Variants in XKR4 observed in about 807,000 individuals in gnomAD.
The protein encoded by XKR4 is XK related 4, also known as XK-related protein 4.
Under a neutral mutation model 53.9 loss-of-function variants are expected in XKR4, and 12 were observed. The observed-to-expected ratio is 0.22, with a 90% CI of 0.14 to 0.36. The LOEUF (loss-of-function observed/expected upper bound fraction) is 0.36, where lower values mean the gene tolerates loss of function less well. Ranked by LOEUF, XKR4 falls within the 10% of genes least tolerant of loss-of-function variation. The pLI is 1.00. For missense variants in XKR4, 799 were observed against 859.5 expected, an observed-to-expected ratio of 0.93 and a Z score of 0.88; for synonymous variants, 354 against 362.4, an observed-to-expected ratio of 0.98 and a Z score of 0.26.
intron 1 of XKR4, among the ~76,000 whole-genome samples, chr8:55,145,367 C>A (rs1462645724): frequency 6.6e-6 from 1 of 151,940 alleles, no homozygotes; most frequent in Non-Finnish European, 1.5e-5. Flanking sequence ...TTGATTTATT[C>A]TTTTTCTGAA....
intron 2 of XKR4, chr8:55,452,088 G>A (rs2975984): frequency 0.26 from 185,046 of 699,242 alleles, 26,391 homozygotes; most frequent in Non-Finnish European, 0.3. Flanking sequence ...CTGGCCGGGT[G>A]TGTAGGTAGA....
intron 2 of XKR4, among the ~76,000 whole-genome samples, chr8:55,404,313 C>T (rs1804655055): frequency 1.3e-5 from 2 of 152,144 alleles, no homozygotes; most frequent in African/African-American, 4.8e-5. Flanking sequence ...TCACATGACA[C>T]ATAGAGTCAC....
At chr8:55,215,143 C>T (rs1331490961) in intron 1 of XKR4, among the ~76,000 whole-genome samples, 1 of 151,612 alleles carries the variant, frequency 6.6e-6, no homozygotes, top group Admixed American at 6.6e-5. Context: ...CATTTAGCTG[C>T]TGAGTATTAT....
Position 55,373,598 on chromosome 8 carries a change from G to A in XKR4, c.1006+15721G>A, listed in dbSNP as rs181608204. On this transcript the variant is annotated intron_variant, in intron 2 of 2. Coordinates refer to ENST00000327381, the MANE Select transcript of XKR4 (RefSeq NM_052898.2). ...CCAGCATAGAGCCTTCAATGAAGGG[G>A]CACCTCCAGATATTTGTTATCTAAA... 5.8e-3 allele frequency among the ~76,000 whole-genome samples: 880 copies of A among 152,260 alleles called. 4 individuals carry two copies. The highest frequency in any genetic ancestry group is 9.1e-3 in the Non-Finnish European group (621 of 68,026).
chr8:55,372,214 A>G (rs1804078023), intron 2 of XKR4, among the ~76,000 whole-genome samples: 1 of 152,166 alleles, frequency 6.6e-6, no homozygotes, highest in South Asian at 2.1e-4. Flanking sequence ...GGTGCCCCAA[A>G]CACTGGCTGC....
chr8:55,256,675 T>A (rs1818443017), intron 1 of XKR4, among the ~76,000 whole-genome samples: 1 of 152,170 alleles, frequency 6.6e-6, no homozygotes, highest in Non-Finnish European at 1.5e-5. Context: ...AAGTCTGAGA[T>A]GCCTACTAAA....
chr8:55,463,653 T>A (rs9760773), intron 2 of XKR4, among the ~76,000 whole-genome samples: 2 of 151,486 alleles, frequency 1.3e-5, no homozygotes, highest in South Asian at 2.1e-4. Flanking sequence ...AATAGAGAAA[T>A]AAAAAACTGT....
chr8:55,245,610 C>G (rs1331429686), intron 1 of XKR4, among the ~76,000 whole-genome samples: 1 of 152,128 alleles, frequency 6.6e-6, no homozygotes, highest in Non-Finnish European at 1.5e-5. Flanking sequence ...GGATGTCAAA[C>G]TTGCCAAGTG....
intron 1 of XKR4, among the ~76,000 whole-genome samples, chr8:55,236,040 C>T (rs1487481620): frequency 6.6e-6 from 1 of 152,188 alleles, no homozygotes; most frequent in East Asian, 1.9e-4. Flanking sequence ...GCCTGCTTGG[C>T]TGGTGTAGTC....
intron 1 of XKR4, among the ~76,000 whole-genome samples, chr8:55,332,996 G>A (rs1031530712): frequency 6.7e-6 from 1 of 149,472 alleles, no homozygotes; most frequent in South Asian, 2.1e-4. Context: ...TACCTGTTTT[G>A]AGTCTGCTGT....
chr8:55,354,774 A>T (rs1268427284), intron 1 of XKR4, among the ~76,000 whole-genome samples: 1 of 152,148 alleles, frequency 6.6e-6, no homozygotes. Context: ...AATGAGCTGA[A>T]AGAAAATTTT....
intron 2 of XKR4, among the ~76,000 whole-genome samples, chr8:55,463,392 A>G (rs1428147879): frequency 1.3e-5 from 2 of 151,622 alleles, no homozygotes; most frequent in East Asian, 3.9e-4. Flanking sequence ...ACATAACGAA[A>G]TGAAGGCAGA....
At chr8:55,169,898 T>G (rs1191420036) in intron 1 of XKR4, among the ~76,000 whole-genome samples, 3 of 152,234 alleles carry the variant, frequency 2.0e-5, no homozygotes, top group Non-Finnish European at 2.9e-5. Flanking sequence ...TAAACAGCAT[T>G]GATTCTTGTA....
chr8:55,406,090 G>C (rs1804678332), intron 2 of XKR4, among the ~76,000 whole-genome samples: 1 of 152,196 alleles, frequency 6.6e-6, no homozygotes, highest in Non-Finnish European at 1.5e-5. Flanking sequence ...GCCTCTGAGT[G>C]TATGAAATCT....
chr8:55,273,742 G>C (rs4738023), intron 1 of XKR4, among the ~76,000 whole-genome samples: 1 of 152,146 alleles, frequency 6.6e-6, no homozygotes, highest in African/African-American at 2.4e-5. Context: ...CCCCCCACTC[G>C]CCAAGTTATC....
intron 1 of XKR4, among the ~76,000 whole-genome samples, chr8:55,282,650 C>T (rs1319895852): frequency 3.3e-5 from 5 of 152,164 alleles, no homozygotes; most frequent in East Asian, 1.9e-4. Context: ...GCCCCCATGA[C>T]CCAGCCACCT....
chr8:55,463,120 C>A (rs1805690097), intron 2 of XKR4, among the ~76,000 whole-genome samples: 3 of 152,138 alleles, frequency 2.0e-5, no homozygotes, highest in Admixed American at 1.3e-4. Flanking sequence ...CTACACCAAG[C>A]AGACCTAATA....
At chr8:55,444,309 G>T (rs2622592) in intron 2 of XKR4, among the ~76,000 whole-genome samples, 86,803 of 152,122 alleles carry the variant, frequency 0.57, 26,169 homozygotes, top group African/African-American at 0.77. Flanking sequence ...GCGAACTCAG[G>T]ATATGGATTA....
At chr8:55,105,564 T>C (rs1816131444) in intron 1 of XKR4, among the ~76,000 whole-genome samples, 1 of 152,182 alleles carries the variant, frequency 6.6e-6, no homozygotes, top group Non-Finnish European at 1.5e-5. Flanking sequence ...AATATTGTAG[T>C]TGGAAATATT....
Sources: allele counts gnomAD v4.1 joint callset (sites outside exome capture counted in the v4.1 genomes callset), GRCh38; gene constraint gnomAD v4.1.1; transcripts MANE v1.5; gene names NCBI Gene and HGNC (gene_info 2026-07-23, HGNC 2026-07-21).